Variants in ITGB8 observed in about 807,000 individuals in gnomAD.
ITGB8 encodes the protein integrin beta-8.
Under a neutral mutation model 89.5 loss-of-function variants are expected in ITGB8, and 30 were observed. The ratio of observed to expected loss-of-function variants is 0.34; its 90% CI spans 0.25 to 0.45. The LOEUF (loss-of-function observed/expected upper bound fraction) is 0.45, where lower values mean the gene tolerates loss of function less well. Among genes scored for constraint, ITGB8 ranks in the 20% least tolerant of loss-of-function variants. The pLI, the probability that ITGB8 is intolerant of heterozygous loss-of-function variation, is 1.00. For synonymous variants in ITGB8, 335 were observed against 320.4 expected, an observed-to-expected ratio of 1.05 and a Z score of -0.49; for missense variants, 836 against 933.3, an observed-to-expected ratio of 0.90 and a Z score of 1.36.
At chr7:20,338,976 G>A (rs988986058) in intron 1 of ITGB8, among the ~76,000 whole-genome samples, 1 of 151,992 alleles carries the variant, frequency 6.6e-6, no homozygotes, top group African/African-American at 2.4e-5. Context: ...GGTGGATCAC[G>A]AGGTCAGGAG....
At chr7:20,378,901 T>C in intron 3 of ITGB8, 150 bp from the exon 4 acceptor site, 1 of 308,776 alleles carries the variant, frequency 3.2e-6, no homozygotes, top group Non-Finnish European at 5.7e-6. Flanking sequence ...AATTATACTA[T>C]AATTATTATA....
At chr7:20,374,071 T>C (rs929559914) in intron 3 of ITGB8, among the ~76,000 whole-genome samples, 1 of 152,178 alleles carries the variant, frequency 6.6e-6, no homozygotes, top group Non-Finnish European at 1.5e-5. Flanking sequence ...AGTGTCTGAG[T>C]TCTTAGAATC....
At chr7:20,330,496 G>A (rs1303572608), upstream of ITGB8, among the ~76,000 whole-genome samples, 2 of 152,212 alleles carry the variant, frequency 1.3e-5, no homozygotes, top group Non-Finnish European at 2.9e-5. Context: ...GGATTCGGGG[G>A]AGGAGGGAGA....
chr7:20,392,983 A>G (rs1472150083), intron 7 of ITGB8, among the ~76,000 whole-genome samples: 2 of 152,184 alleles, frequency 1.3e-5, no homozygotes, highest in African/African-American at 4.8e-5. Context: ...GAGTTTGTAA[A>G]TACTTATTAA....
intron 1 of ITGB8, among the ~76,000 whole-genome samples, chr7:20,340,477 G>C (rs1784720785): frequency 6.6e-6 from 1 of 152,220 alleles, no homozygotes; most frequent in Non-Finnish European, 1.5e-5. Flanking sequence ...AGGTATGTGA[G>C]ATGTGTGGTG....
At chr7:20,336,724 C>A (rs910333607) in intron 1 of ITGB8, among the ~76,000 whole-genome samples, 2 of 152,206 alleles carry the variant, frequency 1.3e-5, no homozygotes, top group African/African-American at 4.8e-5. Context: ...GCTCCTCATA[C>A]AACTTCCTCC....
chr7:20,346,853 G>C, intron 1 of ITGB8: 1 of 985,342 alleles, frequency 1.0e-6, no homozygotes, highest in Non-Finnish European at 1.2e-6. Flanking sequence ...AGAGCACCTT[G>C]GAGTTAATGG....
intron 1 of ITGB8, among the ~76,000 whole-genome samples, chr7:20,358,695 G>A (rs935773019): frequency 3.3e-5 from 5 of 152,098 alleles, no homozygotes; most frequent in East Asian, 1.9e-4. Flanking sequence ...GAGCCACTGC[G>A]CCCAGCCAGC....
intron 1 of ITGB8, among the ~76,000 whole-genome samples, chr7:20,356,006 C>G (rs1216320479): frequency 6.6e-6 from 1 of 152,196 alleles, no homozygotes; most frequent in Non-Finnish European, 1.5e-5. Context: ...GGGATCATCT[C>G]AGACACTAAC....
rs778043359 is a variant in ITGB8 at position 20,398,911 on chromosome 7, T to G, written c.1198T>G (p.Tyr400Asp). 11 of 1,605,500 alleles carry G rather than the reference T, an allele frequency of 6.9e-6. No homozygotes were observed. Among genetic ancestry groups the G allele is most frequent in the Non-Finnish European group, 9.3e-6 (11 of 1,177,102 alleles). The change falls in exon 9 of 14, where the codon TAT becomes GAT. Residue 400 changes from tyrosine (Y) to aspartate (D), a missense_variant. By Grantham distance (160) the Tyr-to-Asp change is radical (BLOSUM62 -3). Around this residue, in one of 5 missense-constraint regions of ITGB8, gnomAD observed 192 missense variants for 267.1 expected, o/e 0.72. Coordinates refer to ENST00000222573, the MANE Select transcript of ITGB8 (RefSeq NM_002214.3). ...GGTGGAAAACCAGGTACAAGGCATCTATTTTAACATTACCGCCATCTGTCC... is the reference window on the plus strand; with the variant it reads ...GGTGGAAAACCAGGTACAAGGCATCGATTTTAACATTACCGCCATCTGTCC... ...VQVENQVQGI[Y>D]FNITAICPDG... is the part of the protein sequence containing the mutation.
At chr7:20,340,692 T>C (rs1784728487) in intron 1 of ITGB8, among the ~76,000 whole-genome samples, 1 of 151,828 alleles carries the variant, frequency 6.6e-6, no homozygotes, top group African/African-American at 2.4e-5. Context: ...CATTTTTTTT[T>C]CCTGATTTTA....
chr7:20,398,158 T>C (rs1333960101), intron 8 of ITGB8, among the ~76,000 whole-genome samples: 1 of 152,184 alleles, frequency 6.6e-6, no homozygotes, highest in African/African-American at 2.4e-5. Flanking sequence ...AGTGTATACA[T>C]GGGTGAATAA....
Position 20,413,104 on chromosome 7 carries a change from C to T in ITGB8, c.*3107C>T, listed in dbSNP as rs187862535. On this transcript the variant is annotated 3_prime_UTR_variant, in exon 14 of 14. Transcript: ENST00000222573. ...GGACACCATTGCACTGCAGTGCACA[C>T]GTATTTATAAACATTTGTTATATTT... 4 of 152,040 alleles carry T rather than the reference C, an allele frequency of 2.6e-5. No homozygotes were observed. The highest frequency in any genetic ancestry group is 9.7e-5 in the African/African-American group (4 of 41,408). 9.4% of individuals were successfully genotyped at this position (152,040 alleles called of 1,614,324 possible).
intron 3 of ITGB8, among the ~76,000 whole-genome samples, chr7:20,368,292 T>C (rs1785785480): frequency 6.6e-6 from 1 of 152,124 alleles, no homozygotes; most frequent in Non-Finnish European, 1.5e-5. Context: ...CCACCTTCCA[T>C]TGCAAAAAAT....
At chr7:20,405,968 C>A in intron 11 of ITGB8, 94 bp from the exon 12 acceptor site, 2 of 727,130 alleles carry the variant, frequency 2.8e-6, no homozygotes, top group Non-Finnish European at 4.8e-6. Flanking sequence ...ATTGTTTCTG[C>A]ATTGTTATTT....
Position 20,384,165 on chromosome 7 carries a change from C to T in ITGB8, c.960+2280C>T, listed in dbSNP as rs79683433. On this transcript the variant is annotated intron_variant, in intron 6 of 13. Coordinates refer to ENST00000222573, the MANE Select transcript of ITGB8 (RefSeq NM_002214.3). Reference sequence around the variant, plus strand: ...TTGTGCATTTCAAAATGACCTCTATCCTCCCCTATTTGGCCATTATGGAGG... The same window carrying T: ...TTGTGCATTTCAAAATGACCTCTATTCTCCCCTATTTGGCCATTATGGAGG... 1.9e-3 allele frequency among the ~76,000 whole-genome samples: 282 copies of T among 152,286 alleles called. 13 individuals are homozygous for T. The East Asian group carries it at 0.051, about 27-fold the overall frequency.
Position 20,404,671 on chromosome 7 carries a change from C to T in ITGB8, c.1731C>T (p.Gly577=). The change falls in exon 11 of 14, where the codon GGC becomes GGT. Residue 577 remains glycine (G), a synonymous_variant. Coordinates refer to ENST00000222573, the MANE Select transcript of ITGB8 (RefSeq NM_002214.3). ...CAGGCAGATGCCAATGCTTCAGTGG[C>T]TGGGAAGGTGATCGATGCCAGTGCC... ...CEAGRCQCFS[G]WEGDRCQCPS... 6.2e-7 allele frequency: 1 copy of T among 1,613,990 alleles called. No individual in the cohort carries two copies. The highest frequency in any genetic ancestry group is 8.5e-7 in the Non-Finnish European group (1 of 1,179,998).
At chr7:20,386,618 A>G (rs771115367) in intron 6 of ITGB8, among the ~76,000 whole-genome samples, 8 of 151,926 alleles carry the variant, frequency 5.3e-5, no homozygotes, top group Non-Finnish European at 1.2e-4. Flanking sequence ...CATATTCTCA[A>G]AAAGAGTGGC....
At position 20,331,824 on chromosome 7, in the gene ITGB8, G is replaced by A. The variant is rs1784409148; in HGVS notation, c.18G>A (p.Leu6=). Residue 6 remains leucine, a synonymous_variant, in exon 1 of 14, where the codon CTG becomes CTA. Coordinates refer to ENST00000222573, the MANE Select transcript of ITGB8 (RefSeq NM_002214.3). MCGSA[L]AFFTAAFVCL... ...TTTGCATTATGTGCGGCTCGGCCCT[G>A]GCTTTTTTTACCGCTGCATTTGTCT... 1 of 1,613,278 alleles carries A rather than the reference G, an allele frequency of 6.2e-7. No homozygotes were observed. Among genetic ancestry groups the A allele is most frequent in the Admixed American group, 1.7e-5 (1 of 60,036 alleles).
Sources: allele counts gnomAD v4.1 joint callset (sites outside exome capture counted in the v4.1 genomes callset), GRCh38; gene constraint gnomAD v4.1.1; regional missense constraint gnomAD v4.1.1; transcripts MANE v1.5; gene names NCBI Gene and HGNC (gene_info 2026-07-23, HGNC 2026-07-21).